The following ACAP1 variants were observed in gnomAD, a reference collection of about 807,000 sequenced individuals.
The protein encoded by ACAP1 is arf-GAP with coiled-coil, ANK repeat and PH domain-containing protein 1.
Under a neutral mutation model 98.8 loss-of-function variants are expected in ACAP1, and 45 were observed. That is an observed-to-expected ratio of 0.46 (90% CI 0.36 to 0.58). The LOEUF (loss-of-function observed/expected upper bound fraction) is 0.58. ACAP1 is among the 20% of genes least tolerant of loss of function. ACAP1 has a pLI of 0.00. For synonymous variants in ACAP1, 362 were observed against 375.3 expected (o/e 0.96, Z 0.41); for missense variants, 735 against 971.4 (o/e 0.76, Z 3.24).
chr17:7,347,330 C>A (rs753532438), intron 14 of ACAP1, 88 bp downstream of exon 14: 53 of 1,253,036 alleles, frequency 4.2e-5, no homozygotes, highest in Non-Finnish European at 5.4e-5. Context: ...GCCCCTCTTC[C>A]TTCCCTGTCC....
rs747776235 is a variant in ACAP1 at position 7,351,354 on chromosome 17, G to A, written c.2182G>A (p.Glu728Lys). The stretch of plus-strand genomic sequence containing the variant: ...CTCCCTCATGGCGTCAGACGACCCG[G>A]AGAAGCTGAGCCGTCGCAGTCATGA... The part of the protein sequence containing the change: ...DFSLMASDDP[E>K]KLSRRSHDLH... The change falls in exon 22 of 22, where the codon GAG becomes AAG. Residue 728 changes from glutamate (E) to lysine (K), a missense_variant. Around this residue, in one of 5 missense-constraint regions of ACAP1, gnomAD observed 142 missense variants for 224.1 expected, o/e 0.63. Coordinates refer to ENST00000158762, the MANE Select transcript of ACAP1 (RefSeq NM_014716.4). 6 of 1,613,668 alleles carry A rather than the reference G, an allele frequency of 3.7e-6. No individual in the cohort carries two copies. Among genetic ancestry groups the A allele is most frequent in the Non-Finnish European group, 5.1e-6 (6 of 1,179,824 alleles).
rs1210034858 is a variant in ACAP1 at position 7,350,599 on chromosome 17, G to C, written c.2073-351G>C. On this transcript the variant is annotated intron_variant, in intron 20 of 21. Coordinates refer to ENST00000158762, the MANE Select transcript of ACAP1 (RefSeq NM_014716.4). This position sits in a 1 kb window ranked among gnomAD's most constrained non-coding sequence, Gnocchi z 4.6. The stretch of plus-strand genomic sequence containing the variant: ...TCAAAGGATGGGAAGTTGTGGGGGA[G>C]GTGAGGATAGTCTTTTTTTTTTTTT... 7 of 416,408 alleles carry C rather than the reference G, an allele frequency of 1.7e-5. No homozygotes were observed. Among genetic ancestry groups the C allele is most frequent in the Non-Finnish European group, 3.0e-5 (7 of 233,228 alleles). The allele number at this position is 416,408 out of a possible 1,614,324, so 25.8% of individuals were successfully genotyped here. A position where few individuals can be genotyped will look rare whatever the true frequency, so the allele number is the denominator to read the frequency against.
Position 7,343,673 on chromosome 17 carries a change from TG to T in ACAP1, c.529-29del, listed in dbSNP as rs1438840701. 1 of 1,609,694 alleles carries T rather than the reference TG, an allele frequency of 6.2e-7. No homozygotes were observed. The highest frequency in any genetic ancestry group is 1.3e-5 in the African/African-American group (1 of 74,874). ...GGGTGCTGTGTCTTCAAGACTGATC[TG>T]GGGTTTTTTACGTCCTCTTTTACGT... On this transcript the variant is annotated intron_variant, in intron 6 of 21. Transcript: ENST00000158762. The surrounding 1 kb of genome is among the most constrained non-coding windows in gnomAD (Gnocchi z 4.9).
Position 7,344,243 on chromosome 17 carries a change from C to T in ACAP1, c.744+120C>T, listed in dbSNP as rs2073326366. ...CCTAGGCATCGTAGTGAAACTCCAT[C>T]TCTACAGAAAATTTTAAAATTAGCT... is the stretch of plus-strand genomic sequence containing the variant. On this transcript the variant is annotated intron_variant, in intron 9 of 21. Transcript: ENST00000158762. This position sits in a 1 kb window ranked among gnomAD's most constrained non-coding sequence, Gnocchi z 4.9. The T allele has an allele frequency of 3.4e-6, 4 of 1,179,508 alleles. No individual in the cohort carries two copies. Among genetic ancestry groups the T allele is most frequent in the Non-Finnish European group, 4.8e-6 (4 of 830,356 alleles). 73.1% of individuals were successfully genotyped at this position (1,179,508 alleles called of 1,614,324 possible). A position where few individuals can be genotyped will look rare whatever the true frequency, so the allele number is the denominator to read the frequency against.
rs752151574 is a variant in ACAP1 at position 7,348,299 on chromosome 17, C to T, written c.1509-7C>T. ...AGGGAAGACTGCGTGCTTCTCCCCT[C>T]CCACAGGCAGGAGAAGGAGGCCTGG... is the stretch of plus-strand genomic sequence containing the variant. On this transcript the variant is annotated splice_polypyrimidine_tract_variant and splice_region_variant and intron_variant, in intron 16 of 21. Transcript: ENST00000158762. The T allele has an allele frequency of 1.3e-6, 2 of 1,590,616 alleles. No homozygotes were observed. Among genetic ancestry groups the T allele is most frequent in the Non-Finnish European group, 1.7e-6 (2 of 1,166,950 alleles).
At chr17:7,342,843 G>T (rs2073302283) in intron 5 of ACAP1, 2 of 317,126 alleles carry the variant, frequency 6.3e-6, no homozygotes, top group Non-Finnish European at 1.2e-5. Flanking sequence ...AGGAGGTGGA[G>T]GTTGCAGTGA....
intron 18 of ACAP1, 193 bp from the exon 19 acceptor site, chr17:7,349,752 T>G: frequency 1.9e-6 from 1 of 518,512 alleles, no homozygotes; most frequent in South Asian, 3.3e-5. Flanking sequence ...GCTTGTACTA[T>G]GGATTTATAT....
intron 10 of ACAP1, chr17:7,345,630 ATTCT>A (rs1342856408): frequency 2.0e-5 from 3 of 150,918 alleles, no homozygotes; most frequent in African/African-American, 7.3e-5. Context: ...GGCCCCCAAG[ATTCT>A]TTCTTTTCTT....
Position 7,344,524 on chromosome 17 carries a change from C to A in ACAP1, c.745-15C>A. On this transcript the variant is annotated splice_polypyrimidine_tract_variant and intron_variant, in intron 9 of 21. Transcript: ENST00000158762. This position sits in a 1 kb window ranked among gnomAD's most constrained non-coding sequence, Gnocchi z 4.9. ...TGCCCATCTCAGTTGCCCTTTGATC[C>A]TCTTGTGCCTCCAGGAGCTGGGTGG... is the stretch of plus-strand genomic sequence containing the variant. The A allele has an allele frequency of 6.5e-7, 1 of 1,546,230 alleles. No homozygotes were observed. The highest frequency in any genetic ancestry group is 8.8e-7 in the Non-Finnish European group (1 of 1,142,852).
intron 2 of ACAP1, 109 bp downstream of exon 2, chr17:7,337,478 G>C: frequency 3.9e-6 from 4 of 1,013,972 alleles, no homozygotes; most frequent in Non-Finnish European, 6.2e-6. Context: ...TGAATACTGT[G>C]TAGGGGAGAT....
Position 7,350,710 on chromosome 17 carries a change from G to C in ACAP1, c.2073-240G>C. 2.1e-6 allele frequency: 1 copy of C among 475,878 alleles called. No homozygotes were observed. The highest frequency in any genetic ancestry group is 3.6e-5 in the Admixed American group (1 of 27,742). The allele number at this position is 475,878 out of a possible 1,614,324, so 29.5% of individuals were successfully genotyped here. On this transcript the variant is annotated intron_variant, in intron 20 of 21. Transcript: ENST00000158762. This position sits in a 1 kb window ranked among gnomAD's most constrained non-coding sequence, Gnocchi z 4.6. Reference sequence around the variant, plus strand: ...TGCAACCCCCGCCTCCCGGGTTCAAGCGATTCTCCTGTCTCAGCCTCCCCT... The same window carrying C: ...TGCAACCCCCGCCTCCCGGGTTCAACCGATTCTCCTGTCTCAGCCTCCCCT...
intron 18 of ACAP1, chr17:7,349,420 G>A (rs962347708): frequency 2.4e-6 from 1 of 414,972 alleles, no homozygotes; most frequent in Non-Finnish European, 4.3e-6. Context: ...CTGTCCCCCA[G>A]GCTGGAGTGC....
In ACAP1 at chr17:7,350,241, A is replaced by G. The variant is rs771869584; in HGVS notation, c.2072+4A>G. 17 of 1,612,920 alleles carry G rather than the reference A, an allele frequency of 1.1e-5. No homozygotes were observed. The highest frequency in any genetic ancestry group is 3.3e-5 in the Admixed American group (2 of 59,984). On this transcript the variant is annotated splice_donor_region_variant and intron_variant, in intron 20 of 21. Coordinates refer to ENST00000158762, the MANE Select transcript of ACAP1 (RefSeq NM_014716.4). This position sits in a 1 kb window ranked among gnomAD's most constrained non-coding sequence, Gnocchi z 4.6. The stretch of plus-strand genomic sequence containing the variant: ...CCAACGCTGACATCGTCACCCTGTA[A>G]GAATGCCTGAAGGGGCGGGGCTGGC...
chr17:7,350,500 A>C lies in ACAP1; in HGVS notation c.2072+263A>C. 2 of 537,988 alleles carry C rather than the reference A, an allele frequency of 3.7e-6. No homozygotes were observed. The highest frequency in any genetic ancestry group is 6.6e-6 in the Non-Finnish European group (2 of 301,628). 33.3% of individuals were successfully genotyped at this position (537,988 alleles called of 1,614,324 possible). ...TGAGAGGCGTAATTCGCCCATCAAC[A>C]TTGCTGTCAGGCATCTTTTTAGCAC... On this transcript the variant is annotated intron_variant, in intron 20 of 21. Transcript: ENST00000158762. The surrounding 1 kb of genome is among the most constrained non-coding windows in gnomAD (Gnocchi z 4.6).
At chr17:7,345,015 G>A (rs374736598) in intron 10 of ACAP1, among the ~76,000 whole-genome samples, 43 of 152,312 alleles carry the variant, frequency 2.8e-4, no homozygotes, top group African/African-American at 1.0e-3. Context: ...CCCTGAGATA[G>A]CTGGGGAGTT....
intron 5 of ACAP1, chr17:7,342,747 GA>G (rs962930968): frequency 0.013 from 5,008 of 385,108 alleles, 2 homozygotes; most frequent in Middle Eastern, 0.019. Context: ...TAAAAAATAC[GA>G]AAAAAAAAAA....
chr17:7,348,553 G>A (rs1477681508), intron 17 of ACAP1, 78 bp downstream of exon 17: 1 of 1,407,594 alleles, frequency 7.1e-7, no homozygotes, highest in East Asian at 2.6e-5. Context: ...GAGGCACAGA[G>A]TGTGAAGCCC....
At chr17:7,345,810 G>A (rs1300931087) in intron 10 of ACAP1, 8 of 172,192 alleles carry the variant, frequency 4.6e-5, no homozygotes, top group South Asian at 3.8e-4. Context: ...CTGCCACCAC[G>A]CCTGGCTAAT....
rs114047249 is a variant in ACAP1, at chr17:7,342,148, G to A, written c.231+81G>A. ...TGTGGAAGAGGAGGGCTGGCCTGGG[G>A]TCTGCAGGTTCCAGGCCACAGCAGG... On this transcript the variant is annotated intron_variant, in intron 3 of 21. Coordinates refer to ENST00000158762, the MANE Select transcript of ACAP1 (RefSeq NM_014716.4). 2.0e-3 allele frequency: 3,254 copies of A among 1,607,418 alleles called. 60 individuals are homozygous for A. In the African/African-American group the frequency reaches 0.036, roughly 18 times the overall value.
Sources: allele counts gnomAD v4.1 joint callset (sites outside exome capture counted in the v4.1 genomes callset), GRCh38; gene constraint gnomAD v4.1.1; regional missense constraint gnomAD v4.1.1; non-coding constraint Gnocchi (gnomAD v3.1); transcripts MANE v1.5; gene names NCBI Gene and HGNC (gene_info 2026-07-23, HGNC 2026-07-21).